The following SAMD5 variants were observed in gnomAD, a reference collection of about 807,000 sequenced individuals.
The protein encoded by SAMD5 is sterile alpha motif domain containing 5.
SAMD5 carries 13 observed loss-of-function variants against 11.3 expected under a neutral mutation model. That is an observed-to-expected ratio of 1.15 (90% CI 0.75 to 1.83). The LOEUF is 1.83. Ranked by LOEUF, SAMD5 falls within the 40% of genes most tolerant of loss-of-function variation. The pLI is 0.00. For missense variants in SAMD5, 255 were observed against 239.1 expected, an observed-to-expected ratio of 1.07 and a Z score of -0.44; for synonymous variants, 129 against 111.3, an observed-to-expected ratio of 1.16 and a Z score of -1.00.
chr6:147,892,632 G>A, the SAMD5 span, among the ~76,000 whole-genome samples: 2 of 152,030 alleles, frequency 1.3e-5, no homozygotes, highest in Non-Finnish European at 2.9e-5. Context: ...TTAATCCTTA[G>A]TGAATGGCTC....
chr6:147,832,718 T>C, the SAMD5 span, among the ~76,000 whole-genome samples: 2 of 152,178 alleles, frequency 1.3e-5, no homozygotes, highest in Non-Finnish European at 2.9e-5. Flanking sequence ...ACATCAATAT[T>C]TGCTGCTTCC....
At chr6:147,664,650 C>T (rs1379234082) in intron 1 of SAMD5, among the ~76,000 whole-genome samples, 1 of 151,990 alleles carries the variant, frequency 6.6e-6, no homozygotes, top group Non-Finnish European at 1.5e-5. Flanking sequence ...ACACTGAATA[C>T]CGTATGTAAA....
chr6:147,638,138 A>C (rs781739490), intron 1 of SAMD5, among the ~76,000 whole-genome samples: 21 of 152,100 alleles, frequency 1.4e-4, no homozygotes, highest in Non-Finnish European at 2.4e-4. Flanking sequence ...TCCCCACCAA[A>C]AATTTGGGAA....
chr6:147,805,735 G>A, the SAMD5 span, among the ~76,000 whole-genome samples: 2 of 152,078 alleles, frequency 1.3e-5, no homozygotes, highest in Non-Finnish European at 2.9e-5. Context: ...AAAAGGAAGA[G>A]TATTGGCTGA....
intron 1 of SAMD5, among the ~76,000 whole-genome samples, chr6:147,586,910 T>C (rs1162808092): frequency 6.6e-6 from 1 of 152,110 alleles, no homozygotes. Flanking sequence ...CAATTATTTG[T>C]ACATAAATTA....
At chr6:147,545,078 T>C (rs903697697) in intron 1 of SAMD5, among the ~76,000 whole-genome samples, 1 of 152,312 alleles carries the variant, frequency 6.6e-6, no homozygotes, top group African/African-American at 2.4e-5. Context: ...ATTACAGAGA[T>C]TTGCTGTTGC....
chr6:147,656,011 AC>A (rs376534529), intron 1 of SAMD5, among the ~76,000 whole-genome samples: 5 of 152,208 alleles, frequency 3.3e-5, no homozygotes, highest in African/African-American at 1.2e-4. Flanking sequence ...TAAAATGTAA[AC>A]AAACACCAGA....
At chr6:147,884,482 T>A in the SAMD5 span, among the ~76,000 whole-genome samples, 1 of 152,342 alleles carries the variant, frequency 6.6e-6, no homozygotes, top group African/African-American at 2.4e-5. Context: ...CCTACAGAAC[T>A]GTAATACCTC....
chr6:147,835,309 G>T, the SAMD5 span, among the ~76,000 whole-genome samples: 5 of 151,338 alleles, frequency 3.3e-5, no homozygotes, highest in African/African-American at 1.2e-4. Flanking sequence ...TCATCATCTG[G>T]TTTCTTTGAG....
the SAMD5 span, among the ~76,000 whole-genome samples, chr6:147,917,643 C>A: frequency 6.6e-6 from 1 of 152,212 alleles, no homozygotes; most frequent in Admixed American, 6.5e-5. Context: ...ATGCCTATGT[C>A]CTGAATGGTA....
the SAMD5 span, among the ~76,000 whole-genome samples, chr6:147,793,190 A>G: frequency 7.9e-5 from 12 of 152,154 alleles, no homozygotes; most frequent in African/African-American, 2.9e-4. Flanking sequence ...TACAGTTGAC[A>G]AGACCTGGTG....
At chr6:147,883,127 G>C in the SAMD5 span, among the ~76,000 whole-genome samples, 15 of 152,172 alleles carry the variant, frequency 9.9e-5, no homozygotes, top group Admixed American at 9.8e-4. Context: ...TCTGTGCAGA[G>C]GATCATTTTA....
At chr6:147,726,764 A>G (rs1476347362) in intron 1 of SAMD5, among the ~76,000 whole-genome samples, 1 of 152,248 alleles carries the variant, frequency 6.6e-6, no homozygotes, top group Non-Finnish European at 1.5e-5. Flanking sequence ...TACATGTGAC[A>G]TAAAGTCATC....
At chr6:147,918,861 C>T in the SAMD5 span, among the ~76,000 whole-genome samples, 7 of 151,992 alleles carry the variant, frequency 4.6e-5, no homozygotes, top group African/African-American at 9.7e-5. Flanking sequence ...CGTGCCACCA[C>T]ACTCAGCTAA....
the SAMD5 span, among the ~76,000 whole-genome samples, chr6:147,913,373 CACAT>C: frequency 6.6e-6 from 1 of 152,098 alleles, no homozygotes; most frequent in Admixed American, 6.5e-5. Context: ...ATTGATCAAA[CACAT>C]ACATGAGGAA....
chr6:147,901,831 G>T, the SAMD5 span, among the ~76,000 whole-genome samples: 1 of 152,118 alleles, frequency 6.6e-6, no homozygotes, highest in African/African-American at 2.4e-5. Flanking sequence ...TCTTTGTGTT[G>T]ATTTCCTTAC....
chr6:147,622,011 T>TAGATGAAGAGAGA (rs1204445924), intron 1 of SAMD5, among the ~76,000 whole-genome samples: 3 of 151,108 alleles, frequency 2.0e-5, no homozygotes, highest in Non-Finnish European at 4.4e-5. Flanking sequence ...CTGGTGCCAG[T>TAGATGAAGAGAGA]AGATGAAGAG....
At chr6:147,837,779 G>A in the SAMD5 span, among the ~76,000 whole-genome samples, 247 of 152,262 alleles carry the variant, frequency 1.6e-3, no homozygotes, top group African/African-American at 5.6e-3. Flanking sequence ...TCAAAACCTT[G>A]GAGTAGGGTT....
chr6:147,666,458 C>T (rs1790722505), intron 1 of SAMD5, among the ~76,000 whole-genome samples: 1 of 152,132 alleles, frequency 6.6e-6, no homozygotes, highest in South Asian at 2.1e-4. Flanking sequence ...TGCTTTTGTG[C>T]TGGCTGCTAA....
Sources: allele counts gnomAD v4.1 joint callset (sites outside exome capture counted in the v4.1 genomes callset), GRCh38; gene constraint gnomAD v4.1.1; transcripts MANE v1.5; gene names NCBI Gene and HGNC (gene_info 2026-07-23, HGNC 2026-07-21).